Variants in PPP2R2D observed in about 807,000 individuals in gnomAD.
PPP2R2D encodes the protein serine/threonine-protein phosphatase 2A 55 kDa regulatory subunit B delta isoform.
Under a neutral mutation model 31.1 loss-of-function variants are expected in PPP2R2D, and 9 were observed. That is an observed-to-expected ratio of 0.29 (90% confidence interval 0.17 to 0.51). The LOEUF is 0.51. PPP2R2D is among the 20% of genes least tolerant of loss of function. The pLI, the probability that PPP2R2D is intolerant of heterozygous loss-of-function variation, is 0.98. For synonymous variants in PPP2R2D, 179 were observed against 172.6 expected, an observed-to-expected ratio of 1.04 and a Z score of -0.29; for missense variants, 391 against 465.6, an observed-to-expected ratio of 0.84 and a Z score of 1.48.
chr10:131,963,579 A>G (rs2036947661), downstream of PPP2R2D, among the ~76,000 whole-genome samples: 3 of 152,184 alleles, frequency 2.0e-5, no homozygotes, highest in South Asian at 6.2e-4. Flanking sequence ...CCGTCCGTGG[A>G]GCCTCACTGG....
intron 2 of PPP2R2D, among the ~76,000 whole-genome samples, chr10:131,902,360 C>A (rs998354547): frequency 1.9e-4 from 29 of 152,048 alleles, no homozygotes; most frequent in Non-Finnish European, 4.0e-4. Context: ...CCATCTCGGC[C>A]CCCCCAACCC....
intron 8 of PPP2R2D, among the ~76,000 whole-genome samples, chr10:131,950,422 C>T (rs782072415): frequency 6.6e-6 from 1 of 151,790 alleles, no homozygotes; most frequent in Non-Finnish European, 1.5e-5. Flanking sequence ...ACGCAAATTA[C>T]CTCTGAGAGC....
downstream of PPP2R2D, among the ~76,000 whole-genome samples, chr10:131,964,319 T>A (rs1366646283): frequency 1.3e-5 from 2 of 152,066 alleles, no homozygotes; most frequent in Non-Finnish European, 2.9e-5. Flanking sequence ...TGCCTAATGG[T>A]GACTTTGTGT....
At chr10:131,916,746 A>G (rs2035793706) in intron 2 of PPP2R2D, among the ~76,000 whole-genome samples, 1 of 149,450 alleles carries the variant, frequency 6.7e-6, no homozygotes, top group African/African-American at 2.5e-5. Flanking sequence ...CAGTGTAGGG[A>G]CCTCAGGCGG....
At chr10:131,951,349 A>G (rs2036632041) in intron 8 of PPP2R2D, among the ~76,000 whole-genome samples, 1 of 152,252 alleles carries the variant, frequency 6.6e-6, no homozygotes. Context: ...AGGAATGGAC[A>G]GGTAAGTTGT....
At chr10:131,938,491 G>A (rs985163753) in intron 3 of PPP2R2D, among the ~76,000 whole-genome samples, 25 of 152,224 alleles carry the variant, frequency 1.6e-4, no homozygotes, top group East Asian at 3.9e-4. Flanking sequence ...GAGAATGCTC[G>A]GGATACAGAT....
At chr10:131,965,376 C>T in the PPP2R2D span, among the ~76,000 whole-genome samples, 1 of 152,222 alleles carries the variant, frequency 6.6e-6, no homozygotes, top group Admixed American at 6.5e-5. Flanking sequence ...TCACTCCCTC[C>T]TTATCCTGTT....
At chr10:131,944,802 A>G (rs962280116) in intron 6 of PPP2R2D, among the ~76,000 whole-genome samples, 1 of 151,540 alleles carries the variant, frequency 6.6e-6, no homozygotes, top group African/African-American at 2.4e-5. Flanking sequence ...GCCCTTTCTT[A>G]TTTTTTTCAG....
chr10:131,913,622 G>A (rs1397480546), intron 2 of PPP2R2D, among the ~76,000 whole-genome samples: 1 of 152,190 alleles, frequency 6.6e-6, no homozygotes, highest in Non-Finnish European at 1.5e-5. Context: ...TTAATGATGG[G>A]GGTGGATATT....
the PPP2R2D span, among the ~76,000 whole-genome samples, chr10:131,965,449 A>G: frequency 6.6e-6 from 1 of 152,176 alleles, no homozygotes; most frequent in Non-Finnish European, 1.5e-5. Context: ...CAAAAAAACT[A>G]GGGGGCTTTT....
the PPP2R2D span, chr10:131,966,929 G>A: frequency 6.7e-6 from 1 of 149,740 alleles, no homozygotes; most frequent in African/African-American, 2.5e-5. Flanking sequence ...CTCCCAGGCT[G>A]GAGTGCAGTG....
chr10:131,966,126 T>C, the PPP2R2D span, among the ~76,000 whole-genome samples: 1 of 152,214 alleles, frequency 6.6e-6, no homozygotes, highest in Admixed American at 6.5e-5. Context: ...GGCTGGAGTT[T>C]TTTGAGGTGT....
At chr10:131,913,390 C>G (rs1315690861) in intron 2 of PPP2R2D, among the ~76,000 whole-genome samples, 1 of 151,928 alleles carries the variant, frequency 6.6e-6, no homozygotes, top group Non-Finnish European at 1.5e-5. Flanking sequence ...AATTGTTGAC[C>G]TTGAGTTTTA....
chr10:131,933,294 C>T (rs1397737532), intron 2 of PPP2R2D, among the ~76,000 whole-genome samples: 1 of 152,166 alleles, frequency 6.6e-6, no homozygotes, highest in East Asian at 1.9e-4. Context: ...GCATTCTAGC[C>T]ACTTTTGGAG....
Position 131,947,982 on chromosome 10 carries a change from C to T in PPP2R2D, c.1082+191C>T, listed in dbSNP as rs1397416806. On this transcript the variant is annotated intron_variant, in intron 8 of 8. Transcript: ENST00000455566. The surrounding 1 kb of genome is among the most constrained non-coding windows in gnomAD (Gnocchi z 4.3). ...TAGGATCTCTGAGCAAGTTTCTCAC[C>T]TAGCTTGTCATTCCATTTATATTTA... 1.3e-5 allele frequency among the ~76,000 whole-genome samples: 2 copies of T among 152,198 alleles called. No homozygotes were observed. Among genetic ancestry groups the T allele is most frequent in the Non-Finnish European group, 2.9e-5 (2 of 68,032 alleles).
chr10:131,954,577 A>G (rs1477849000), intron 8 of PPP2R2D, among the ~76,000 whole-genome samples: 2 of 150,396 alleles, frequency 1.3e-5, no homozygotes, highest in East Asian at 3.9e-4. Flanking sequence ...TGGAAGCAGG[A>G]GATGGGAAAT....
At chr10:131,917,864 C>T (rs376659546) in intron 2 of PPP2R2D, among the ~76,000 whole-genome samples, 3,602 of 102,774 alleles carry the variant, frequency 0.035, 1 homozygote, top group East Asian at 0.093. Context: ...GGACCTCACA[C>T]GGGTGGAATG....
At chr10:131,921,477 G>A (rs1177879487) in intron 2 of PPP2R2D, among the ~76,000 whole-genome samples, 1 of 152,288 alleles carries the variant, frequency 6.6e-6, no homozygotes, top group East Asian at 1.9e-4. Context: ...TGAGGGATGG[G>A]CCTGGACCGG....
At chr10:131,932,353 C>T (rs782183514) in intron 2 of PPP2R2D, among the ~76,000 whole-genome samples, 11 of 152,064 alleles carry the variant, frequency 7.2e-5, no homozygotes, top group Non-Finnish European at 1.0e-4. Flanking sequence ...GGAGGCAGAA[C>T]GCAGCCATGG....
Sources: gnomAD v4.1 joint callset for allele counts (sites outside exome capture counted in the v4.1 genomes callset) on GRCh38, gnomAD v4.1.1 for gene constraint, Gnocchi (gnomAD v3.1) non-coding constraint, MANE v1.5 for transcripts, NCBI Gene and HGNC (gene_info 2026-07-23, HGNC 2026-07-21) for gene names.